Variants in KLHL32 observed in about 807,000 individuals in gnomAD.
KLHL32 encodes the protein kelch-like protein 32.
In KLHL32, 35 loss-of-function variants were observed where a neutral mutation model predicts 64.8. The ratio of observed to expected loss-of-function variants is 0.54; its 90% CI spans 0.41 to 0.72. The LOEUF (loss-of-function observed/expected upper bound fraction) is 0.72, where lower values mean the gene tolerates loss of function less well. Among genes scored for constraint, KLHL32 ranks in the 30% least tolerant of loss-of-function variants. KLHL32 has a pLI of 0.00. For synonymous variants in KLHL32, 259 were observed against 281.0 expected (o/e 0.92, Z 0.78); for missense variants, 589 against 768.5 (o/e 0.77, Z 2.76).
chr6:97,013,821 T>C (rs1780730581), intron 3 of KLHL32, among the ~76,000 whole-genome samples: 1 of 152,200 alleles, frequency 6.6e-6, no homozygotes, highest in South Asian at 2.1e-4. Flanking sequence ...CTTTGCAACT[T>C]GCTGTGACTT....
chr6:97,100,966 CTT>C (rs58422496), intron 6 of KLHL32, among the ~76,000 whole-genome samples: 5 of 69,472 alleles, frequency 7.2e-5, no homozygotes, highest in African/African-American at 3.5e-4. Context: ...TGCAGCCAAG[CTT>C]TTTTTTTTTT....
chr6:97,035,919 T>G (rs1378425973), intron 3 of KLHL32, among the ~76,000 whole-genome samples: 1 of 152,158 alleles, frequency 6.6e-6, no homozygotes, highest in African/African-American at 2.4e-5. Context: ...TCAATAATCT[T>G]TCTTCTCCTT....
chr6:97,056,136 C>T (rs1340206108), intron 4 of KLHL32, among the ~76,000 whole-genome samples: 2 of 125,192 alleles, frequency 1.6e-5, no homozygotes. Flanking sequence ...GATGAAGTCT[C>T]GCTCTGTCAC....
At chr6:96,994,458 T>C in intron 3 of KLHL32, 1 of 974,742 alleles carries the variant, frequency 1.0e-6, no homozygotes, top group South Asian at 4.8e-5. Context: ...GTTAATTAAG[T>C]ACTTTGGTAT....
chr6:96,956,209 G>C (rs1467070122), intron 1 of KLHL32, among the ~76,000 whole-genome samples: 1 of 152,114 alleles, frequency 6.6e-6, no homozygotes, highest in African/African-American at 2.4e-5. Context: ...CCTCTCACTG[G>C]GTCCTTCCCA....
At chr6:96,971,344 CA>C (rs1056197336) in intron 2 of KLHL32, among the ~76,000 whole-genome samples, 1 of 152,036 alleles carries the variant, frequency 6.6e-6, no homozygotes, top group African/African-American at 2.4e-5. Flanking sequence ...TTTCTGTGAC[CA>C]AAAATGTGAA....
chr6:97,034,799 T>C (rs1467856193), intron 3 of KLHL32, among the ~76,000 whole-genome samples: 1 of 152,048 alleles, frequency 6.6e-6, no homozygotes, highest in Non-Finnish European at 1.5e-5. Flanking sequence ...TTTGATGACT[T>C]TCCTGTTTGT....
intron 4 of KLHL32, among the ~76,000 whole-genome samples, chr6:97,051,023 C>CA (rs1468986138): frequency 6.6e-6 from 1 of 151,718 alleles, no homozygotes; most frequent in Non-Finnish European, 1.5e-5. Context: ...AACAAACAAA[C>CA]AAAAAACACA....
At chr6:97,072,774 C>T (rs1279212414) in intron 5 of KLHL32, among the ~76,000 whole-genome samples, 1 of 152,148 alleles carries the variant, frequency 6.6e-6, no homozygotes, top group East Asian at 1.9e-4. Context: ...CCTGATCAAT[C>T]TACTCAGTTG....
the KLHL32 span, among the ~76,000 whole-genome samples, chr6:96,913,610 G>T: frequency 3.9e-5 from 6 of 152,158 alleles, no homozygotes; most frequent in Non-Finnish European, 7.4e-5. Flanking sequence ...TAGATGGGTC[G>T]GTAGGGAGAC....
chr6:96,939,322 G>A (rs55892930), intron 1 of KLHL32, among the ~76,000 whole-genome samples: 10,271 of 152,276 alleles, frequency 0.067, 426 homozygotes, highest in Middle Eastern at 0.15. Flanking sequence ...TCAAGTGTCA[G>A]GCATTATGCC....
chr6:96,975,461 T>G (rs1775589684), intron 2 of KLHL32, among the ~76,000 whole-genome samples: 1 of 152,236 alleles, frequency 6.6e-6, no homozygotes, highest in Non-Finnish European at 1.5e-5. Flanking sequence ...GGAATGGTCA[T>G]TTGCAGCCCT....
chr6:97,091,539 CT>C (rs1359117213), intron 6 of KLHL32, among the ~76,000 whole-genome samples: 1 of 152,178 alleles, frequency 6.6e-6, no homozygotes, highest in African/African-American at 2.4e-5. Context: ...GGGCTTTCCG[CT>C]TGCTGCTCTT....
Position 96,975,986 on chromosome 6 carries a change from C to G in KLHL32, c.24-11C>G, listed in dbSNP as rs1775648116. On this transcript the variant is annotated splice_polypyrimidine_tract_variant and intron_variant, in intron 2 of 10. Coordinates refer to ENST00000369261, the MANE Select transcript of KLHL32 (RefSeq NM_052904.4). Reference sequence around the variant, plus strand: ...AAGGAAAAATGTTGACTTGATTGCTCTCCTTTGTAGTATTCAAGAAATGCT... The same window carrying G: ...AAGGAAAAATGTTGACTTGATTGCTGTCCTTTGTAGTATTCAAGAAATGCT... 6 of 1,508,592 alleles carry G rather than the reference C, an allele frequency of 4.0e-6. No individual in the cohort carries two copies. In the East Asian group the frequency reaches 1.2e-4, roughly 30 times the overall value. 93.5% of individuals were successfully genotyped at this position (1,508,592 alleles called of 1,614,324 possible).
intron 1 of KLHL32, among the ~76,000 whole-genome samples, chr6:96,954,289 T>A (rs6568674): frequency 0.22 from 32,153 of 148,772 alleles, 3,755 homozygotes; most frequent in Admixed American, 0.27. Flanking sequence ...GTGGAAAAAA[T>A]TGTTTTAGTT....
At chr6:96,961,069 C>T (rs1773828763) in intron 1 of KLHL32, among the ~76,000 whole-genome samples, 1 of 152,158 alleles carries the variant, frequency 6.6e-6, no homozygotes, top group African/African-American at 2.4e-5. Flanking sequence ...TGTAGATTTT[C>T]CCCACAAGAG....
chr6:97,100,487 A>G (rs1795558746), intron 6 of KLHL32, among the ~76,000 whole-genome samples: 2 of 152,202 alleles, frequency 1.3e-5, no homozygotes, highest in African/African-American at 4.8e-5. Context: ...CCTGTGCTTC[A>G]GTTTATGGGT....
intron 3 of KLHL32, among the ~76,000 whole-genome samples, chr6:97,003,440 A>AT (rs1302318842): frequency 2.0e-5 from 3 of 152,110 alleles, no homozygotes; most frequent in African/African-American, 7.2e-5. Context: ...CCCATTCTCT[A>AT]TAGTGCCTGT....
chr6:97,056,322 G>A (rs531000238), intron 4 of KLHL32, among the ~76,000 whole-genome samples: 1 of 152,072 alleles, frequency 6.6e-6, no homozygotes, highest in African/African-American at 2.4e-5. Flanking sequence ...AGCCAGGATG[G>A]TCTTGATCTC....
Sources: gnomAD v4.1 joint callset for allele counts (sites outside exome capture counted in the v4.1 genomes callset) on GRCh38, gnomAD v4.1.1 for gene constraint, MANE v1.5 for transcripts, NCBI Gene and HGNC (gene_info 2026-07-23, HGNC 2026-07-21) for gene names.